Variants in MBNL2 observed in about 807,000 individuals in gnomAD.
The protein encoded by MBNL2 is muscleblind like splicing regulator 2.
Under a neutral mutation model 41.9 loss-of-function variants are expected in MBNL2, and 17 were observed. The ratio of observed to expected loss-of-function variants is 0.41; its 90% confidence interval spans 0.28 to 0.61. The LOEUF is 0.61. Among genes scored for constraint, MBNL2 ranks in the 20% least tolerant of loss-of-function variants. The pLI is 0.35. For synonymous variants in MBNL2, 195 were observed against 182.9 expected, an observed-to-expected ratio of 1.07 and a Z score of -0.53; for missense variants, 336 against 505.6, an observed-to-expected ratio of 0.66 and a Z score of 3.22.
intron 2 of MBNL2, among the ~76,000 whole-genome samples, chr13:97,282,657 T>C (rs1246450572): frequency 1.3e-5 from 2 of 152,220 alleles, no homozygotes; most frequent in Non-Finnish European, 2.9e-5. Flanking sequence ...TGCTTAAAGA[T>C]TCTTGGACCC....
rs181036324 is a variant in MBNL2 at position 97,309,242 on chromosome 13, A to C, written c.175-25034A>C. Among the ~76,000 whole-genome samples, 32 of 152,310 alleles carry C rather than the reference A, an allele frequency of 2.1e-4. No homozygotes were observed. In the East Asian group the frequency reaches 6.0e-3, roughly 28 times the overall value. ...TGGAAGACTTTGAGCACGGAAATGA[A>C]AAATGTCAAAATGACCTTTGCATTC... On this transcript the variant is annotated intron_variant, in intron 2 of 8. Coordinates refer to ENST00000679496, the MANE Select transcript of MBNL2 (RefSeq NM_001382683.1).
chr13:97,164,970 C>T, the MBNL2 span, among the ~76,000 whole-genome samples: 3 of 152,094 alleles, frequency 2.0e-5, no homozygotes, highest in South Asian at 2.1e-4. Context: ...TTTGAGAGGC[C>T]GAGGTGGCGG....
chr13:97,292,044 CAA>C (rs535710499), intron 2 of MBNL2, among the ~76,000 whole-genome samples: 1 of 150,608 alleles, frequency 6.6e-6, no homozygotes, highest in Non-Finnish European at 1.5e-5. Context: ...CTAAAAAATA[CAA>C]AAAAACTAGC....
chr13:97,221,373 T>C (rs2040844142), upstream of MBNL2: 1 of 145,908 alleles, frequency 6.9e-6, no homozygotes, highest in Non-Finnish European at 1.5e-5. Flanking sequence ...GACTGGGAAA[T>C]AAATAAATAA....
At chr13:97,349,060 G>A (rs945441294) in intron 5 of MBNL2, among the ~76,000 whole-genome samples, 6 of 152,100 alleles carry the variant, frequency 3.9e-5, no homozygotes, top group African/African-American at 1.4e-4. Flanking sequence ...TTTTGTTTTT[G>A]TTTAATCTCT....
At chr13:97,316,291 C>G (rs1231702958) in intron 2 of MBNL2, among the ~76,000 whole-genome samples, 1 of 152,198 alleles carries the variant, frequency 6.6e-6, no homozygotes, top group East Asian at 1.9e-4. Context: ...TCTGAGCCAC[C>G]GTCTTCTTCC....
chr13:97,254,751 C>T (rs372722945), intron 1 of MBNL2, among the ~76,000 whole-genome samples: 1 of 152,004 alleles, frequency 6.6e-6, no homozygotes, highest in African/African-American at 2.4e-5. Context: ...TTAACAAAAA[C>T]GGTCAATGTG....
At chr13:97,342,182 A>G (rs1021197148) in intron 3 of MBNL2, among the ~76,000 whole-genome samples, 2 of 152,224 alleles carry the variant, frequency 1.3e-5, no homozygotes, top group African/African-American at 4.8e-5. Flanking sequence ...TTATTTACAT[A>G]TTATTAGGTG....
chr13:97,263,963 T>G (rs2049185712), intron 1 of MBNL2, among the ~76,000 whole-genome samples: 1 of 151,652 alleles, frequency 6.6e-6, no homozygotes, highest in African/African-American at 2.4e-5. Context: ...TATAATCGAA[T>G]TTTTCAAGAA....
At chr13:97,293,689 CTG>C (rs1235148360) in intron 2 of MBNL2, among the ~76,000 whole-genome samples, 2 of 152,128 alleles carry the variant, frequency 1.3e-5, no homozygotes, top group Non-Finnish European at 2.9e-5. Flanking sequence ...TAGAATGATA[CTG>C]TGTTGTTCTG....
chr13:97,312,498 G>A (rs570184959), intron 2 of MBNL2, among the ~76,000 whole-genome samples: 246 of 152,262 alleles, frequency 1.6e-3, no homozygotes, highest in African/African-American at 5.4e-3. Context: ...AAGCTTTAAT[G>A]ATTTCAGGAT....
chr13:97,340,647 A>T (rs1269757508), intron 3 of MBNL2, among the ~76,000 whole-genome samples: 2 of 152,172 alleles, frequency 1.3e-5, no homozygotes, highest in Admixed American at 1.3e-4. Flanking sequence ...CAGGGAGGTT[A>T]ATTTCCTCCC....
chr13:97,322,970 G>A (rs2059627444), intron 2 of MBNL2, among the ~76,000 whole-genome samples: 1 of 152,188 alleles, frequency 6.6e-6, no homozygotes. Flanking sequence ...GGGTCCAGGA[G>A]GGGAAGATGC....
At chr13:97,153,380 T>C in the MBNL2 span, among the ~76,000 whole-genome samples, 2 of 152,014 alleles carry the variant, frequency 1.3e-5, no homozygotes. Flanking sequence ...AAAAGTTTAG[T>C]CTTCTATAAA....
In MBNL2 at chr13:97,243,443, G is replaced by C. The variant is rs142836314; in HGVS notation, c.-605+20912G>C. On this transcript the variant is annotated intron_variant, in intron 1 of 8. Coordinates refer to ENST00000679496, the MANE Select transcript of MBNL2 (RefSeq NM_001382683.1). ...CAAGGAGGTGAGGATAAATGGAAAG[G>C]GGGCACAAGGATCAGGGAGGACAGG... Among the ~76,000 whole-genome samples the C allele has an allele frequency of 3.1e-3, 478 of 152,280 alleles. 2 individuals are homozygous for C. Among genetic ancestry groups the C allele is most frequent in the African/African-American group, 0.011 (459 of 41,540 alleles).
At chr13:97,335,404 C>CCTA (rs1354135679) in intron 3 of MBNL2, among the ~76,000 whole-genome samples, 1 of 151,858 alleles carries the variant, frequency 6.6e-6, no homozygotes, top group East Asian at 1.9e-4. Context: ...ATGACTGAAA[C>CCTA]CTACTAAATT....
chr13:97,192,698 C>T, the MBNL2 span, among the ~76,000 whole-genome samples: 1 of 152,164 alleles, frequency 6.6e-6, no homozygotes, highest in South Asian at 2.1e-4. Flanking sequence ...AAGGACCTGA[C>T]CTGTAGAGAT....
Position 97,343,324 on chromosome 13 carries a change from A to AAC in MBNL2, c.540+120_540+121dup, listed in dbSNP as rs138028614. 6 of 808,662 alleles carry AAC rather than the reference A, an allele frequency of 7.4e-6. No individual in the cohort carries two copies. The Admixed American group carries it at 8.0e-5, about 11-fold the overall frequency. 50.1% of individuals were successfully genotyped at this position (808,662 alleles called of 1,614,324 possible). On this transcript the variant is annotated intron_variant, in intron 4 of 8. Transcript: ENST00000679496. Reference sequence around the variant, plus strand: ...TTCAGTCTTGCAAAACAGCCATGTAAACACACACACACAAACTCACCTAAA... The same window carrying AAC: ...TTCAGTCTTGCAAAACAGCCATGTAAACACACACACACACAAACTCACCTAAA...
upstream of MBNL2, among the ~76,000 whole-genome samples, chr13:97,216,844 T>TTG (rs144463675): frequency 2.6e-4 from 39 of 150,862 alleles, no homozygotes; most frequent in Admixed American, 6.6e-4. Flanking sequence ...GCATGTGTGC[T>TTG]TGTGTGTGTG....
Sources: gnomAD v4.1 joint callset for allele counts (sites outside exome capture counted in the v4.1 genomes callset) on GRCh38, gnomAD v4.1.1 for gene constraint, MANE v1.5 for transcripts, NCBI Gene and HGNC (gene_info 2026-07-23, HGNC 2026-07-21) for gene names.